Variants in MYH14 observed in about 807,000 individuals in gnomAD.
MYH14 encodes myosin-14.
MYH14 carries 123 observed loss-of-function variants against 255.5 expected under a neutral mutation model. That is an observed-to-expected ratio of 0.48 (90% CI 0.42 to 0.56). The LOEUF is 0.56. Among genes scored for constraint, MYH14 ranks in the 20% least tolerant of loss-of-function variants. The probability of loss-of-function intolerance (pLI) is 0.00; values close to 1 mark genes in which losing one functional copy is unlikely to be tolerated. For missense variants in MYH14, 2,423 were observed against 2,802.3 expected, an observed-to-expected ratio of 0.86 and a Z score of 3.06; for synonymous variants, 1,095 against 1,161.2, an observed-to-expected ratio of 0.94 and a Z score of 1.16.
At chr19:50,206,434 G>A (rs1407713947) in intron 1 of MYH14, among the ~76,000 whole-genome samples, 1 of 151,842 alleles carries the variant, frequency 6.6e-6, no homozygotes, top group African/African-American at 2.4e-5. Context: ...GGGTGGGGGT[G>A]AGGGTAAAGT....
chr19:50,207,202 C>G (rs1008584277), intron 1 of MYH14, among the ~76,000 whole-genome samples: 4 of 144,966 alleles, frequency 2.8e-5, no homozygotes, highest in African/African-American at 1.0e-4. Flanking sequence ...CCAACTCCAG[C>G]CTGGGCAATA....
chr19:50,224,899 G>A, intron 6 of MYH14: 1 of 455,356 alleles, frequency 2.2e-6, no homozygotes, highest in South Asian at 1.6e-5. Context: ...GAGGCCAGGA[G>A]TTCAAGACCA....
intron 2 of MYH14, among the ~76,000 whole-genome samples, chr19:50,214,961 C>T (rs2032394421): frequency 6.6e-6 from 1 of 152,132 alleles, no homozygotes; most frequent in Non-Finnish European, 1.5e-5. Context: ...GAGTGTCGCC[C>T]TCGGTTTCCC....
At chr19:50,275,640 C>T (rs1452048944) in intron 27 of MYH14, among the ~76,000 whole-genome samples, 1 of 152,106 alleles carries the variant, frequency 6.6e-6, no homozygotes, top group African/African-American at 2.4e-5. Flanking sequence ...CAGCCCTAGG[C>T]AACATAGGCA....
At chr19:50,262,136 G>A (rs1402637285) in intron 21 of MYH14, among the ~76,000 whole-genome samples, 1 of 152,136 alleles carries the variant, frequency 6.6e-6, no homozygotes, top group Non-Finnish European at 1.5e-5. Flanking sequence ...GGACAAGCAG[G>A]TGGATGAAGG....
At chr19:50,216,716 T>C (rs1297366610) in intron 2 of MYH14, among the ~76,000 whole-genome samples, 1 of 151,718 alleles carries the variant, frequency 6.6e-6, no homozygotes, top group African/African-American at 2.4e-5. Context: ...TTATTGCAGA[T>C]ACCACAGGCA....
Position 50,293,630 on chromosome 19 carries a change from G to C in MYH14, c.5412G>C (p.Glu1804Asp). ...GRLGQLEEEL[E>D]EEQSNSELLN... The stretch of plus-strand genomic sequence containing the variant: ...TGGGGCAGTTGGAGGAAGAGCTGGA[G>C]GAGGAGCAGAGCAACTCGGAGCTGC... Residue 1804 changes from glutamate to aspartate, a missense_variant, in exon 39 of 43, where the codon GAG (glutamate) becomes GAC (aspartate). Around this residue, in one of 3 missense-constraint regions of MYH14, gnomAD observed 1,513 missense variants for 1,674.8 expected, o/e 0.90. Transcript: ENST00000642316. This position sits in a 1 kb window ranked among gnomAD's most constrained non-coding sequence, Gnocchi z 4.1. 2 of 1,612,662 alleles carry C rather than the reference G, an allele frequency of 1.2e-6. No homozygotes were observed. The highest frequency in any genetic ancestry group is 2.2e-5 in the East Asian group (1 of 44,884).
chr19:50,260,848 TGTGTGTGTGCATGCATATGTGTGCATGC>T, intron 20 of MYH14, 133 bp downstream of exon 20: 1 of 686,524 alleles, frequency 1.5e-6, no homozygotes, highest in African/African-American at 1.9e-5. Flanking sequence ...CGTGTGTGCG[TGTGTGTGTGCATGCATATGTGTGCATGC>T]GTGTGTGTGC....
chr19:50,256,739 C>T (rs149366028), intron 17 of MYH14, among the ~76,000 whole-genome samples: 1,659 of 152,264 alleles, frequency 0.011, 16 homozygotes, highest in Middle Eastern at 0.024. Context: ...GACAGTTTGC[C>T]CTATTTCAAA....
At chr19:50,281,390 G>A (rs1261031977) in intron 32 of MYH14, among the ~76,000 whole-genome samples, 3 of 152,190 alleles carry the variant, frequency 2.0e-5, no homozygotes, top group South Asian at 2.1e-4. Context: ...CTGCATCTTG[G>A]AGGGAGTAAT....
chr19:50,271,594 T>G (rs776331087), intron 25 of MYH14, 48 bp downstream of exon 25: 2 of 1,580,474 alleles, frequency 1.3e-6, no homozygotes, highest in Admixed American at 3.7e-5. Context: ...GGTGCATTGG[T>G]GGGTTAATGA....
rs751215173 is a variant in MYH14 at position 50,232,070 on chromosome 19, TGTGA to T, written c.1114+6_1114+9del. The T allele has an allele frequency of 6.2e-7, 1 of 1,611,498 alleles. No homozygotes were observed. The highest frequency in any genetic ancestry group is 1.3e-5 in the African/African-American group (1 of 75,074). ...GGGATTCAGCCACGAGGAAATCATC[TGTGA>T]GTGAGCCCCGTGGAGGCCAGGGGTA... On this transcript the variant is annotated splice_donor_variant and splice_donor_region_variant and intron_variant, in intron 10 of 42. Coordinates refer to ENST00000642316, the MANE Select transcript of MYH14 (RefSeq NM_001145809.2). LOFTEE classifies it high-confidence loss of function.
chr19:50,203,793 G>A (rs112575089), intron 1 of MYH14, 122 bp downstream of exon 1: 3 of 152,320 alleles, frequency 2.0e-5, no homozygotes, highest in Admixed American at 6.5e-5. Context: ...GGACGGCGGG[G>A]AGGTGACGCG....
chr19:50,218,423 C>T lies in MYH14; in HGVS notation c.562+652C>T, dbSNP rs186394639. ...CATTCTGGCTAACACGGTGAAACCC[C>T]GTCTCTACTAAAAATACAAAAAGAA... On this transcript the variant is annotated intron_variant, in intron 3 of 42. Transcript: ENST00000642316. 1.4e-3 allele frequency among the ~76,000 whole-genome samples: 215 copies of T among 151,958 alleles called. 1 individual carries two copies. Among genetic ancestry groups the T allele is most frequent in the African/African-American group, 5.0e-3 (208 of 41,492 alleles).
chr19:50,284,590 CTA>C (rs1199767541), intron 33 of MYH14, among the ~76,000 whole-genome samples: 1 of 151,424 alleles, frequency 6.6e-6, no homozygotes, highest in Non-Finnish European at 1.5e-5. Flanking sequence ...CAGGGTTTCA[CTA>C]TGTTGGCCAG....
intron 10 of MYH14, among the ~76,000 whole-genome samples, chr19:50,240,441 C>G (rs999646865): frequency 1.3e-5 from 2 of 152,008 alleles, no homozygotes; most frequent in South Asian, 4.1e-4. Flanking sequence ...ATTAGCTGGG[C>G]ATGGTGGTGA....
chr19:50,266,954 G>A lies in MYH14; in HGVS notation c.2772G>A (p.Glu924=). 6.4e-7 allele frequency: 1 copy of A among 1,563,542 alleles called. No individual in the cohort carries two copies. The highest frequency in any genetic ancestry group is 8.7e-7 in the Non-Finnish European group (1 of 1,153,860). ...CCCAGGAGCTGCAGAAAGTGCAGGA[G>A]CTACAGCAGCAGAGCGCCCGCGAAG... ...ARAQELQKVQ[E]LQQQSAREVG... Residue 924 remains glutamate, a synonymous_variant, in exon 23 of 43, where the codon GAG becomes GAA. Coordinates refer to ENST00000642316, the MANE Select transcript of MYH14 (RefSeq NM_001145809.2). The surrounding 1 kb of genome is among the most constrained non-coding windows in gnomAD (Gnocchi z 4.1).
At chr19:50,234,885 C>T (rs2033586472) in intron 10 of MYH14, among the ~76,000 whole-genome samples, 1 of 152,176 alleles carries the variant, frequency 6.6e-6, no homozygotes, top group South Asian at 2.1e-4. Context: ...AAAACCAAGC[C>T]TTCCCACTCT....
intron 35 of MYH14, among the ~76,000 whole-genome samples, chr19:50,290,274 C>T (rs1170234626): frequency 6.6e-6 from 1 of 152,128 alleles, no homozygotes; most frequent in East Asian, 1.9e-4. Context: ...CACATCCTTC[C>T]CCAATCCAGT....
Sources: gnomAD v4.1 joint callset for allele counts (sites outside exome capture counted in the v4.1 genomes callset) on GRCh38, gnomAD v4.1.1 for gene constraint, gnomAD v4.1.1 regional missense constraint, Gnocchi (gnomAD v3.1) non-coding constraint, MANE v1.5 for transcripts, NCBI Gene and HGNC (gene_info 2026-07-23, HGNC 2026-07-21) for gene names.